Variants in EGFR observed in about 807,000 individuals in gnomAD.
EGFR encodes the protein epidermal growth factor receptor.
EGFR carries 58 observed loss-of-function variants against 143.0 expected under a neutral mutation model. That is an observed-to-expected ratio of 0.41 (90% confidence interval 0.33 to 0.50). The LOEUF (loss-of-function observed/expected upper bound fraction) is 0.50, where lower values mean the gene tolerates loss of function less well. Among genes scored for constraint, EGFR ranks in the 20% least tolerant of loss-of-function variants. The pLI, the probability that EGFR is intolerant of heterozygous loss-of-function variation, is 0.39. For synonymous variants in EGFR, 613 were observed against 594.4 expected (o/e 1.03, Z -0.45); for missense variants, 1,307 against 1,579.0 (o/e 0.83, Z 2.92).
intron 1 of EGFR, among the ~76,000 whole-genome samples, chr7:55,092,577 T>C (rs929348213): frequency 2.0e-4 from 31 of 152,240 alleles, no homozygotes; most frequent in African/African-American, 7.5e-4. Context: ...CTTTTCTATA[T>C]TTATTACATT....
chr7:55,191,945 T>C (rs1220194997), intron 21 of EGFR, 71 bp downstream of exon 21: 3 of 1,600,710 alleles, frequency 1.9e-6, no homozygotes, highest in Admixed American at 1.7e-5. Flanking sequence ...CCACTAGCTG[T>C]ATTGTTTAAC....
intron 1 of EGFR, among the ~76,000 whole-genome samples, chr7:55,083,582 C>T (rs1790592825): frequency 6.6e-6 from 1 of 152,190 alleles, no homozygotes. Flanking sequence ...CATGGCGAGG[C>T]ACACTGTGCG....
chr7:55,192,643 G>C lies in EGFR; in HGVS notation c.2626-123G>C, dbSNP rs144690952. On this transcript the variant is annotated intron_variant, in intron 21 of 27. Transcript: ENST00000275493. ...GGAGGAGGCGCCGGGCCTGGGGGACGGGTCCTGGGGTGATCTGGCTCGTCT... is the reference window on the plus strand; with the variant it reads ...GGAGGAGGCGCCGGGCCTGGGGGACCGGTCCTGGGGTGATCTGGCTCGTCT... The C allele has an allele frequency of 5.8e-6, 5 of 866,326 alleles. No homozygotes were observed. The African/African-American group carries it at 8.2e-5, about 14-fold the overall frequency. The allele number at this position is 866,326 out of a possible 1,614,324, so 53.7% of individuals were successfully genotyped here.
intron 1 of EGFR, among the ~76,000 whole-genome samples, chr7:55,059,182 A>G (rs957804217): frequency 6.6e-6 from 1 of 152,254 alleles, no homozygotes; most frequent in African/African-American, 2.4e-5. Context: ...AAGTAAAAAC[A>G]CACCAGGAAG....
chr7:55,101,082 C>A (rs1269275230), intron 1 of EGFR, among the ~76,000 whole-genome samples: 3 of 152,212 alleles, frequency 2.0e-5, no homozygotes, highest in Non-Finnish European at 4.4e-5. Context: ...TCCGAGCAAC[C>A]CTCTGACAAC....
rs1481689739 is a variant in EGFR at position 55,211,236 on chromosome 7, A to T, written c.*5619A>T. 6.9e-6 allele frequency: 1 copy of T among 144,194 alleles called. No homozygotes were observed. The highest frequency in any genetic ancestry group is 2.1e-4 in the South Asian group (1 of 4,780). The allele number at this position is 144,194 out of a possible 1,614,324, so 8.9% of individuals were successfully genotyped here. On this transcript the variant is annotated 3_prime_UTR_variant, in exon 28 of 28. Transcript: ENST00000275493. Reference sequence around the variant, plus strand: ...TTTCTGGATGCATTTACTTATCTTTAAAAAAAAAGGAATCCTATGACCTGA... The same window carrying T: ...TTTCTGGATGCATTTACTTATCTTTTAAAAAAAAGGAATCCTATGACCTGA...
intron 20 of EGFR, chr7:55,181,930 G>C: frequency 3.7e-6 from 1 of 269,462 alleles, no homozygotes; most frequent in Non-Finnish European, 7.2e-6. Context: ...GAGGTGCAAG[G>C]AGCTGACAGA....
At position 55,105,883 on chromosome 7, in the gene EGFR, G is replaced by C. The variant is rs141272215; in HGVS notation, c.89-36403G>C. On this transcript the variant is annotated intron_variant, in intron 1 of 27. Coordinates refer to ENST00000275493, the MANE Select transcript of EGFR (RefSeq NM_005228.5). Reference sequence around the variant, plus strand: ...ATAATTTAAGACAAATGTTCTATTTGATAAGCTTTTAGAAACAACTTATTT... The same window carrying C: ...ATAATTTAAGACAAATGTTCTATTTCATAAGCTTTTAGAAACAACTTATTT... 2.0e-5 allele frequency among the ~76,000 whole-genome samples: 3 copies of C among 152,290 alleles called. No individual in the cohort carries two copies. The East Asian group carries it at 5.8e-4, about 29-fold the overall frequency.
At chr7:55,066,124 C>T (rs1329561741) in intron 1 of EGFR, among the ~76,000 whole-genome samples, 2 of 152,094 alleles carry the variant, frequency 1.3e-5, no homozygotes, top group South Asian at 2.1e-4. Flanking sequence ...ACAGGACAGC[C>T]GCACTCCCCT....
rs555246095 is a variant in EGFR at position 55,089,816 on chromosome 7, C to T, written c.89-52470C>T. Among the ~76,000 whole-genome samples the T allele has an allele frequency of 9.2e-5, 14 of 152,254 alleles. No homozygotes were observed. In the South Asian group the frequency reaches 1.5e-3, roughly 16 times the overall value. On this transcript the variant is annotated intron_variant, in intron 1 of 27. Coordinates refer to ENST00000275493, the MANE Select transcript of EGFR (RefSeq NM_005228.5). ...CCAGCCAGGCTTGGAGACCACCACA[C>T]GGGATTTGCTTCTTGGGGCCTCCCT...
rs530277287 is a variant in EGFR, at chr7:55,117,472, G to C, written c.89-24814G>C. Reference sequence around the variant, plus strand: ...GAAAACGAGGCAGCTTGTCAAAGAGGAACGGCTCTTGGCCATGGTTGCTGC... The same window carrying C: ...GAAAACGAGGCAGCTTGTCAAAGAGCAACGGCTCTTGGCCATGGTTGCTGC... On this transcript the variant is annotated intron_variant, in intron 1 of 27. Coordinates refer to ENST00000275493, the MANE Select transcript of EGFR (RefSeq NM_005228.5). 1.3e-4 allele frequency among the ~76,000 whole-genome samples: 20 copies of C among 152,348 alleles called. No homozygotes were observed. In the South Asian group the frequency reaches 4.1e-3, roughly 32 times the overall value.
At chr7:55,161,144 G>A (rs1785676765) in intron 12 of EGFR, among the ~76,000 whole-genome samples, 1 of 152,200 alleles carries the variant, frequency 6.6e-6, no homozygotes, top group Admixed American at 6.5e-5. Flanking sequence ...GTGGCCGTGG[G>A]AGCACAGAAA....
intron 1 of EGFR, among the ~76,000 whole-genome samples, chr7:55,053,793 G>C (rs1375109259): frequency 6.6e-6 from 1 of 152,212 alleles, no homozygotes; most frequent in Admixed American, 6.5e-5. Flanking sequence ...TTCCTAGGAG[G>C]ACATCCGATT....
chr7:55,148,766 C>T lies in EGFR; in HGVS notation c.559+2026C>T, dbSNP rs187896011. On this transcript the variant is annotated intron_variant, in intron 4 of 27. Coordinates refer to ENST00000275493, the MANE Select transcript of EGFR (RefSeq NM_005228.5). ...ACCATCTAGAGGCAAGTTGGGAATGCTGCCAGGCTCCTGTGGTAAAGGAAG... is the reference window on the plus strand; with the variant it reads ...ACCATCTAGAGGCAAGTTGGGAATGTTGCCAGGCTCCTGTGGTAAAGGAAG... Among the ~76,000 whole-genome samples, 416 of 152,226 alleles carry T rather than the reference C, an allele frequency of 2.7e-3. 2 individuals are homozygous for T. The highest frequency in any genetic ancestry group is 4.0e-3 in the Non-Finnish European group (270 of 68,018).
chr7:55,184,105 G>C (rs1382009201), intron 20 of EGFR, among the ~76,000 whole-genome samples: 1 of 152,238 alleles, frequency 6.6e-6, no homozygotes, highest in Non-Finnish European at 1.5e-5. Context: ...CACGTTGCTG[G>C]CCTGTCTGCG....
intron 15 of EGFR, chr7:55,170,345 T>C (rs1336156477): frequency 6.2e-7 from 1 of 1,614,210 alleles, no homozygotes; most frequent in Non-Finnish European, 8.5e-7. Context: ...TTATTCTGCC[T>C]TTTTAAACTA....
intron 1 of EGFR, among the ~76,000 whole-genome samples, chr7:55,087,283 AC>A (rs71014679): frequency 0.014 from 1,259 of 91,536 alleles, 31 homozygotes; most frequent in African/African-American, 0.044. Context: ...TAAAAAAAAA[AC>A]AAAAAAAAAA....
At chr7:55,113,757 A>G (rs1421995743) in intron 1 of EGFR, among the ~76,000 whole-genome samples, 3 of 152,238 alleles carry the variant, frequency 2.0e-5, no homozygotes, top group African/African-American at 7.2e-5. Context: ...CAGAGATTCC[A>G]AGGTGATTTG....
chr7:55,185,505 T>C (rs4947988), intron 20 of EGFR, among the ~76,000 whole-genome samples: 88,140 of 152,166 alleles, frequency 0.58, 26,218 homozygotes, highest in Middle Eastern at 0.69. Flanking sequence ...CCTGCTCCTG[T>C]GCCACCCTCT....
Sources: allele counts gnomAD v4.1 joint callset (sites outside exome capture counted in the v4.1 genomes callset), GRCh38; gene constraint gnomAD v4.1.1; transcripts MANE v1.5; gene names NCBI Gene and HGNC (gene_info 2026-07-23, HGNC 2026-07-21).